The following BCAR3 variants were observed in gnomAD, a reference collection of about 807,000 sequenced individuals.
BCAR3 encodes the protein BCAR3 adaptor protein, NSP family member.
A neutral mutation model predicts 80.1 loss-of-function variants in BCAR3; 37 were observed. The ratio of observed to expected loss-of-function variants is 0.46; its 90% CI spans 0.36 to 0.61. The LOEUF is 0.61. Ranked by LOEUF, BCAR3 falls within the 20% of genes least tolerant of loss-of-function variation. The pLI is 0.00. For missense variants in BCAR3, 978 were observed against 1,068.2 expected, an observed-to-expected ratio of 0.92 and a Z score of 1.18; for synonymous variants, 389 against 418.9, an observed-to-expected ratio of 0.93 and a Z score of 0.87.
Position 93,582,780 on chromosome 1 carries a change from G to C in BCAR3, c.1207C>G (p.Pro403Ala). The C allele has an allele frequency of 3.7e-6, 6 of 1,614,110 alleles. No individual in the cohort carries two copies. Among genetic ancestry groups the C allele is most frequent in the Non-Finnish European group, 5.1e-6 (6 of 1,180,020 alleles). Residue 403 changes from proline (P) to alanine (A), a missense_variant, in exon 7 of 12, where the codon CCC (proline) becomes GCC (alanine). Physicochemically the swap from Pro to Ala is conservative, Grantham distance 27 (BLOSUM62 -1). Transcript: ENST00000260502. ...GGCACCTTGCAGGGCTTAGGCGGGG[G>C]CTTAGGGCACAGTTGACTGTCTGAT... ...RGSDSQLCPK[P>A]PPKPCKVPFL...
Position 93,562,061 on chromosome 1 carries a change from CTT to C in BCAR3, c.*178_*179del, listed in dbSNP as rs1409528715. 2 of 514,342 alleles carry C rather than the reference CTT, an allele frequency of 3.9e-6. No homozygotes were observed. Among genetic ancestry groups the C allele is most frequent in the Non-Finnish European group, 6.3e-6 (2 of 317,362 alleles). 31.9% of individuals were successfully genotyped at this position (514,342 alleles called of 1,614,324 possible). ...TTATTCATTTTAAAATCAGTAGTAA[CTT>C]TAGACAATTCATAAATAAGTGTGCT... On this transcript the variant is annotated 3_prime_UTR_variant, in exon 12 of 12. Coordinates refer to ENST00000260502, the MANE Select transcript of BCAR3 (RefSeq NM_003567.4).
chr1:93,614,086 C>T (rs779444347), intron 3 of BCAR3: 6 of 1,423,982 alleles, frequency 4.2e-6, no homozygotes, highest in Non-Finnish European at 5.5e-6. Context: ...GCTCCTTCTC[C>T]CAGGCTAGTC....
intron 3 of BCAR3, among the ~76,000 whole-genome samples, chr1:93,697,431 C>T (rs570582849): frequency 1.4e-4 from 22 of 152,290 alleles, no homozygotes; most frequent in Non-Finnish European, 1.2e-4. Context: ...ACATGCCCTG[C>T]TGGGAGGAAA....
At chr1:93,705,559 A>C (rs1319646812) in intron 3 of BCAR3, among the ~76,000 whole-genome samples, 1 of 152,218 alleles carries the variant, frequency 6.6e-6, no homozygotes, top group Non-Finnish European at 1.5e-5. Flanking sequence ...AGGTGGTTCA[A>C]CTGCAGTTTC....
At chr1:93,774,972 C>G (rs1422272237) in intron 2 of BCAR3, among the ~76,000 whole-genome samples, 1 of 152,176 alleles carries the variant, frequency 6.6e-6, no homozygotes, top group Non-Finnish European at 1.5e-5. Context: ...CATTTTTAAA[C>G]AAAATAGAGT....
intron 3 of BCAR3, among the ~76,000 whole-genome samples, chr1:93,690,525 T>C (rs1649152005): frequency 6.6e-6 from 1 of 152,196 alleles, no homozygotes; most frequent in African/African-American, 2.4e-5. Flanking sequence ...ACCCAGGCCA[T>C]CTAGTTCAGA....
At chr1:93,722,464 C>T (rs1650438775) in intron 2 of BCAR3, among the ~76,000 whole-genome samples, 1 of 152,186 alleles carries the variant, frequency 6.6e-6, no homozygotes, top group Non-Finnish European at 1.5e-5. Context: ...ATACTAAGGC[C>T]TCCATCCTGC....
intron 3 of BCAR3, among the ~76,000 whole-genome samples, chr1:93,640,829 C>T (rs1296646785): frequency 6.6e-6 from 1 of 152,212 alleles, no homozygotes; most frequent in African/African-American, 2.4e-5. Flanking sequence ...AAGAAGAAGG[C>T]AGTACACTTG....
intron 2 of BCAR3, among the ~76,000 whole-genome samples, chr1:93,764,548 G>A (rs1652074830): frequency 6.6e-6 from 1 of 152,036 alleles, no homozygotes. Context: ...CATCTCTGCT[G>A]CGGCTATCAC....
chr1:93,732,793 A>C (rs1003219826), intron 2 of BCAR3, among the ~76,000 whole-genome samples: 3 of 152,130 alleles, frequency 2.0e-5, no homozygotes, highest in Admixed American at 6.5e-5. Flanking sequence ...CAGGAAAGTA[A>C]AGAGATCTCC....
chr1:93,741,276 C>T lies in BCAR3; in HGVS notation c.-62-35134G>A, dbSNP rs373179193. On this transcript the variant is annotated intron_variant, in intron 2 of 13. Coordinates refer to the BCAR3 transcript ENST00000370244. ...TTGGGGAAAACATGCTGAATAATAACAGCCTATATTATTATTAATGCCTGA... is the reference window on the plus strand; with the variant it reads ...TTGGGGAAAACATGCTGAATAATAATAGCCTATATTATTATTAATGCCTGA... Among the ~76,000 whole-genome samples, 29 of 152,240 alleles carry T rather than the reference C, an allele frequency of 1.9e-4. No homozygotes were observed. The East Asian group carries it at 5.4e-3, about 28-fold the overall frequency.
At position 93,573,626 on chromosome 1, in the gene BCAR3, TA is replaced by T. The variant is rs1390165912; in HGVS notation, c.1803-1786del. On this transcript the variant is annotated intron_variant, in intron 8 of 11. Transcript: ENST00000260502. ...AATATATTTTTATTATTATTATTAT[TA>T]TTATTATTTTTTTTTTTTTGAGACA... Among the ~76,000 whole-genome samples the T allele has an allele frequency of 2.3e-3, 324 of 142,470 alleles. 2 individuals carry two copies. The highest frequency in any genetic ancestry group is 7.5e-3 in the African/African-American group (274 of 36,328). The allele number at this position is 142,470 out of a possible 152,430, so 93.5% of individuals were successfully genotyped here.
chr1:93,709,057 G>A (rs1413375939), intron 2 of BCAR3, among the ~76,000 whole-genome samples: 1 of 152,122 alleles, frequency 6.6e-6, no homozygotes, highest in African/African-American at 2.4e-5. Flanking sequence ...GAAGTGCTGC[G>A]ATAAGCTAAG....
At chr1:93,716,451 A>G (rs1297549546) in intron 2 of BCAR3, among the ~76,000 whole-genome samples, 2 of 152,220 alleles carry the variant, frequency 1.3e-5, no homozygotes, top group Non-Finnish European at 2.9e-5. Context: ...TCAATCACCT[A>G]CAAGATAAAT....
At chr1:93,571,470 G>T in intron 9 of BCAR3, 200 bp downstream of exon 9, 1 of 572,666 alleles carries the variant, frequency 1.7e-6, no homozygotes, top group East Asian at 3.4e-5. Context: ...TGCTAGCCTA[G>T]GTGGCAGAGT....
chr1:93,573,218 T>A (rs237436), intron 8 of BCAR3, among the ~76,000 whole-genome samples: 4 of 151,862 alleles, frequency 2.6e-5, no homozygotes, highest in African/African-American at 9.7e-5. Context: ...CAACATGGGC[T>A]AAACCCCATC....
rs1648773314 is a variant in BCAR3, at chr1:93,681,696, C to CGG, written c.-112_-111dup. 1 of 151,766 alleles carries CGG rather than the reference C, an allele frequency of 6.6e-6. No homozygotes were observed. The highest frequency in any genetic ancestry group is 1.5e-5 in the Non-Finnish European group (1 of 67,912). The allele number at this position is 151,766 out of a possible 1,614,324, so 9.4% of individuals were successfully genotyped here. A position where few individuals can be genotyped will look rare whatever the true frequency, so the allele number is the denominator to read the frequency against. ...GGCCGGCCTCGCACCGCCCGCGCCG[C>CGG]GGCTGCTCCCGGAGCTGGGGACGCT... On this transcript the variant is annotated 5_prime_UTR_variant, in exon 1 of 12. An upstream open reading frame in the 5' UTR loses its in-frame stop. Transcript: ENST00000260502.
intron 3 of BCAR3, among the ~76,000 whole-genome samples, chr1:93,634,728 A>C (rs1025077532): frequency 5.9e-5 from 9 of 151,902 alleles, no homozygotes; most frequent in Non-Finnish European, 1.3e-4. Flanking sequence ...AACAAAAAAA[A>C]AACGGAGTTT....
rs550381391 is a variant in BCAR3, at chr1:93,736,884, T to C, written c.-62-30742A>G. Among the ~76,000 whole-genome samples the C allele has an allele frequency of 1.1e-4, 16 of 152,374 alleles. No homozygotes were observed. The Middle Eastern group carries it at 0.014, about 130-fold the overall frequency. ...GGTTTTGTTAGGCTTTTGCATTTTA[T>C]GCTATAGACCTTTCTGAAAGCATGG... On this transcript the variant is annotated intron_variant, in intron 2 of 13. Coordinates refer to the BCAR3 transcript ENST00000370244.
Sources: allele counts gnomAD v4.1 joint callset (sites outside exome capture counted in the v4.1 genomes callset), GRCh38; gene constraint gnomAD v4.1.1; transcripts MANE v1.5; gene names NCBI Gene and HGNC (gene_info 2026-07-23, HGNC 2026-07-21).